The following WNT9B variants were observed in gnomAD, a reference collection of about 807,000 sequenced individuals.
WNT9B encodes protein Wnt-9b.
In WNT9B, 12 loss-of-function variants were observed where a neutral mutation model predicts 30.2. The observed-to-expected ratio is 0.40, with a 90% CI of 0.26 to 0.64. WNT9B has a LOEUF of 0.64. Among genes scored for constraint, WNT9B ranks in the 30% least tolerant of loss-of-function variants. WNT9B has a pLI of 0.42. For missense variants in WNT9B, 442 were observed against 485.2 expected (o/e 0.91, Z 0.84); for synonymous variants, 218 against 216.9 (o/e 1.01, Z -0.05).
chr17:46,855,269 T>G (rs1267799277), intron 1 of WNT9B, among the ~76,000 whole-genome samples: 1 of 152,234 alleles, frequency 6.6e-6, no homozygotes, highest in East Asian at 1.9e-4. Context: ...TAATTGACTC[T>G]TTTAGACTCT....
downstream of WNT9B, chr17:46,885,305 C>T: frequency 4.3e-6 from 1 of 230,980 alleles, no homozygotes; most frequent in South Asian, 4.1e-5. Flanking sequence ...TGCGCCTGGC[C>T]AGCATTTTTT....
chr17:46,874,990 C>A (rs548850668), intron 2 of WNT9B, 111 bp from the exon 3 acceptor site: 1 of 1,543,396 alleles, frequency 6.5e-7, no homozygotes, highest in East Asian at 2.2e-5. Flanking sequence ...CCCATCACAG[C>A]GCTGCCACCA....
downstream of WNT9B, among the ~76,000 whole-genome samples, chr17:46,883,525 T>TCTG (rs2085452034): frequency 6.6e-6 from 1 of 152,074 alleles, no homozygotes; most frequent in African/African-American, 2.4e-5. Flanking sequence ...CCTCAGGTGA[T>TCTG]CCACCCATCT....
downstream of WNT9B, among the ~76,000 whole-genome samples, chr17:46,881,021 C>T (rs181264231): frequency 5.9e-5 from 9 of 152,340 alleles, no homozygotes; most frequent in Admixed American, 2.0e-4. Context: ...CATTTACACA[C>T]GAATCCTGTG....
exon 1 of WNT9B, chr17:46,833,411 C>T (rs1324393797): frequency 1.9e-6 from 1 of 517,778 alleles, no homozygotes; most frequent in South Asian, 1.4e-5. Flanking sequence ...GTCCTGGGAG[C>T]CTTACCAGCC....
intron 1 of WNT9B, among the ~76,000 whole-genome samples, chr17:46,853,900 G>T (rs1375543147): frequency 6.6e-6 from 1 of 152,186 alleles, no homozygotes; most frequent in African/African-American, 2.4e-5. Context: ...GTATTGGAAG[G>T]GAAAGGTGTT....
At chr17:46,872,422 C>T (rs1598861511) in intron 1 of WNT9B, 95 bp from the exon 2 acceptor site, 1 of 1,393,118 alleles carries the variant, frequency 7.2e-7, no homozygotes, top group Non-Finnish European at 9.4e-7. Flanking sequence ...CCCAGAAGGG[C>T]AGTAAATGAA....
chr17:46,883,057 C>A (rs974721623), downstream of WNT9B, among the ~76,000 whole-genome samples: 4 of 152,080 alleles, frequency 2.6e-5, no homozygotes, highest in African/African-American at 4.8e-5. Flanking sequence ...CTGCTCACTG[C>A]AAGCTCCGCC....
chr17:46,841,683 C>G (rs976402791), intron 1 of WNT9B, among the ~76,000 whole-genome samples: 1 of 152,118 alleles, frequency 6.6e-6, no homozygotes, highest in Middle Eastern at 3.2e-3. Flanking sequence ...GGAGCAGGAC[C>G]GGGAGGAACT....
In WNT9B at chr17:46,876,692, G is replaced by T; in HGVS notation, c.1048G>T (p.Glu350Ter). 6.4e-7 allele frequency: 1 copy of T among 1,568,418 alleles called. No individual in the cohort carries two copies. The highest frequency in any genetic ancestry group is 8.7e-7 in the Non-Finnish European group (1 of 1,152,842). Residue 350 changes from glutamate to a stop codon, truncating the protein, a stop_gained, in exon 4 of 4, where the codon GAG (glutamate) becomes TAG (stop). Transcript: ENST00000290015. LOFTEE classifies it high-confidence loss of function. ...YVECQQCVQEELVYTCKH is the reference protein window; with the variant it reads ...YVECQQCVQE ...GGAGTGCCAGCAATGTGTGCAGGAG[G>T]AGCTTGTGTACACCTGCAAGCACTA... is the stretch of plus-strand genomic sequence containing the variant.
rs2085362619 is a variant in WNT9B at position 46,877,380 on chromosome 17, G to A, written c.*662G>A. On this transcript the variant is annotated 3_prime_UTR_variant, in exon 4 of 4. Coordinates refer to ENST00000290015, the MANE Select transcript of WNT9B (RefSeq NM_003396.3). The stretch of plus-strand genomic sequence containing the variant: ...CCTGGAGCCCTGTGTCCTTGATTTG[G>A]CTTTTCAAATATGCCTCCGCTGAGG... 6.6e-6 allele frequency among the ~76,000 whole-genome samples: 1 copy of A among 152,196 alleles called. No individual in the cohort carries two copies. The highest frequency in any genetic ancestry group is 2.4e-5 in the African/African-American group (1 of 41,448).
chr17:46,853,125 G>T (rs771837035), intron 1 of WNT9B, among the ~76,000 whole-genome samples: 1 of 152,108 alleles, frequency 6.6e-6, no homozygotes, highest in African/African-American at 2.4e-5. Flanking sequence ...TTGAAGGAAT[G>T]GTTGTTCCCT....
chr17:46,873,184 C>A (rs182659596), intron 2 of WNT9B, among the ~76,000 whole-genome samples: 1 of 151,934 alleles, frequency 6.6e-6, no homozygotes. Flanking sequence ...ATTCCAGGCC[C>A]GATGACACGA....
intron 1 of WNT9B, among the ~76,000 whole-genome samples, chr17:46,855,940 C>T (rs550470642): frequency 8.3e-4 from 127 of 152,344 alleles, no homozygotes; most frequent in African/African-American, 2.9e-3. Flanking sequence ...CCACCCACCT[C>T]AGCCTCCCAA....
intron 1 of WNT9B, among the ~76,000 whole-genome samples, chr17:46,862,009 C>A: frequency 6.6e-6 from 1 of 151,686 alleles, no homozygotes; most frequent in Non-Finnish European, 1.5e-5. Context: ...ACTAAAAATA[C>A]AAAAATAGCT....
upstream of WNT9B, among the ~76,000 whole-genome samples, chr17:46,850,111 A>G (rs1467207201): frequency 6.6e-6 from 1 of 152,168 alleles, no homozygotes; most frequent in Non-Finnish European, 1.5e-5. Flanking sequence ...CGGCCTCCCA[A>G]AGTGCTGGGA....
At chr17:46,849,801 A>G (rs2084818208), upstream of WNT9B, among the ~76,000 whole-genome samples, 1 of 152,078 alleles carries the variant, frequency 6.6e-6, no homozygotes, top group Non-Finnish European at 1.5e-5. Flanking sequence ...GCCTGCAGGT[A>G]TAACGATCAC....
chr17:46,851,881 C>A lies in WNT9B; in HGVS notation c.77+166C>A, dbSNP rs1049111580. Among the ~76,000 whole-genome samples, 1 of 152,200 alleles carries A rather than the reference C, an allele frequency of 6.6e-6. No individual in the cohort carries two copies. Among genetic ancestry groups the A allele is most frequent in the Non-Finnish European group, 1.5e-5 (1 of 68,034 alleles). On this transcript the variant is annotated intron_variant, in intron 1 of 3. Transcript: ENST00000290015. This position sits in a 1 kb window ranked among gnomAD's most constrained non-coding sequence, Gnocchi z 4.3. Reference sequence around the variant, plus strand: ...ACCCACTTCGCAGTCGGAGTTCGCGCCCTGAGTTCGGTCTCCAGCTTCCCC... The same window carrying A: ...ACCCACTTCGCAGTCGGAGTTCGCGACCTGAGTTCGGTCTCCAGCTTCCCC...
intron 1 of WNT9B, among the ~76,000 whole-genome samples, chr17:46,862,174 AAAAAAG>A (rs1266460717): frequency 2.6e-5 from 4 of 151,052 alleles, no homozygotes; most frequent in South Asian, 2.1e-4. Context: ...AAAAAAAAAA[AAAAAAG>A]AAAAAGAAAA....
Sources: gnomAD v4.1 joint callset for allele counts (sites outside exome capture counted in the v4.1 genomes callset) on GRCh38, gnomAD v4.1.1 for gene constraint, Gnocchi (gnomAD v3.1) non-coding constraint, MANE v1.5 for transcripts, NCBI Gene and HGNC (gene_info 2026-07-23, HGNC 2026-07-21) for gene names.